Variants in ZNF324 observed in about 807,000 individuals in gnomAD.
ZNF324 encodes zinc finger protein 324A.
Under a neutral mutation model 10.3 loss-of-function variants are expected in ZNF324, and 3 were observed. The ratio of observed to expected loss-of-function variants is 0.29; its 90% CI spans 0.13 to 0.75. ZNF324 has a LOEUF of 0.75. ZNF324 is among the 30% of genes least tolerant of loss of function. The pLI, the probability that ZNF324 is intolerant of heterozygous loss-of-function variation, is 0.69. For synonymous variants in ZNF324, 430 were observed against 339.5 expected (o/e 1.27, Z -2.93); for missense variants, 763 against 784.4 (o/e 0.97, Z 0.33).
rs751425382 is a variant in ZNF324, at chr19:58,470,957, A to G, written c.465A>G (p.Gln155=). 6.2e-6 allele frequency: 10 copies of G among 1,614,182 alleles called. No homozygotes were observed. Among genetic ancestry groups the G allele is most frequent in the Middle Eastern group, 1.6e-4 (1 of 6,062 alleles). The change falls in exon 4 of 4, where the codon CAA becomes CAG. Residue 155 remains glutamine, a synonymous_variant. Coordinates refer to ENST00000196482, the MANE Select transcript of ZNF324 (RefSeq NM_014347.3). ...TCCTGCTAGGCTCAGGCAGTGGGCA[A>G]GCCAGCGTCAGCCTGCGACTGACCT... ...ERLLLGSGSG[Q]ASVSLRLTSP... is the part of the protein sequence containing the mutation.
rs2053008210 is a variant in ZNF324, at chr19:58,469,386, G to A, written c.121+80G>A. 4 of 1,560,022 alleles carry A rather than the reference G, an allele frequency of 2.6e-6. No individual in the cohort carries two copies. The Admixed American group carries it at 7.2e-5, about 28-fold the overall frequency. ...GGGCTGCCCCCTCACCTCCCTGGTG[G>A]CTGACGAGCAGGCCTATACCTTGCA... is the stretch of plus-strand genomic sequence containing the variant. On this transcript the variant is annotated intron_variant, in intron 2 of 3. Transcript: ENST00000196482.
rs376173561 is a variant in ZNF324 at position 58,469,183 on chromosome 19, C to T, written c.-3C>T. The stretch of plus-strand genomic sequence containing the variant: ...CTCTTCCTCCCTGCTCTTTTAGGAC[C>T]AGATGGCCTTTGAGGATGTGGCTGT... On this transcript the variant is annotated 5_prime_UTR_variant, in exon 2 of 4. Coordinates refer to ENST00000196482, the MANE Select transcript of ZNF324 (RefSeq NM_014347.3). 212 of 1,614,070 alleles carry T rather than the reference C, an allele frequency of 1.3e-4. No homozygotes were observed. The highest frequency in any genetic ancestry group is 1.6e-4 in the Non-Finnish European group (192 of 1,180,038).
rs1269576088 is a variant in ZNF324, at chr19:58,474,826, A to C, written c.*2672A>C. On this transcript the variant is annotated 3_prime_UTR_variant, in exon 4 of 4. Coordinates refer to ENST00000196482, the MANE Select transcript of ZNF324 (RefSeq NM_014347.3). The stretch of plus-strand genomic sequence containing the variant: ...TCAGGAGCAATGGCATTCCTAAGCT[A>C]GAAGTGGGTGAGAGCTGTCACTAAG... 6.6e-6 allele frequency: 1 copy of C among 152,492 alleles called. No homozygotes were observed. The highest frequency in any genetic ancestry group is 1.9e-4 in the East Asian group (1 of 5,180). 9.4% of individuals were successfully genotyped at this position (152,492 alleles called of 1,614,324 possible).
In ZNF324 at chr19:58,471,105, A is replaced by C. The variant is rs2053027643; in HGVS notation, c.613A>C (p.Arg205=). 1 of 1,613,732 alleles carries C rather than the reference A, an allele frequency of 6.2e-7. No individual in the cohort carries two copies. The highest frequency in any genetic ancestry group is 8.5e-7 in the Non-Finnish European group (1 of 1,180,036). The change falls in exon 4 of 4, where the codon AGA becomes CGA. Residue 205 remains arginine (R), a synonymous_variant. Coordinates refer to ENST00000196482, the MANE Select transcript of ZNF324 (RefSeq NM_014347.3). ...ACCATGTGCACAGGAGGTCCCTGGG[A>C]GAACCTTTGGGAGCGCCCAGGACCT... is the stretch of plus-strand genomic sequence containing the variant. ...QKPCAQEVPG[R]TFGSAQDLEA... is the part of the protein sequence containing the mutation.
At chr19:58,469,141 C>T (rs531967011) in intron 1 of ZNF324, 39 bp from the exon 2 acceptor site, 1 of 1,613,788 alleles carries the variant, frequency 6.2e-7, no homozygotes, top group Non-Finnish European at 8.5e-7. Flanking sequence ...GATAACCCAG[C>T]CTTAGACCAT....
chr19:58,470,342 G>T (rs969526997), intron 3 of ZNF324, among the ~76,000 whole-genome samples: 41 of 147,516 alleles, frequency 2.8e-4, no homozygotes, highest in African/African-American at 9.9e-4. Flanking sequence ...CTGGATGGAG[G>T]TCATTGCAGG....
intron 2 of ZNF324, 106 bp downstream of exon 2, chr19:58,469,412 G>A (rs1293988165): frequency 2.1e-6 from 3 of 1,457,286 alleles, no homozygotes; most frequent in East Asian, 2.3e-5. Flanking sequence ...ATACCTTGCA[G>A]CCAGGAGCCA....
chr19:58,468,967 C>T (rs1025471103), intron 1 of ZNF324, among the ~76,000 whole-genome samples: 4 of 152,176 alleles, frequency 2.6e-5, no homozygotes, highest in Non-Finnish European at 4.4e-5. Flanking sequence ...CCCAGGATGG[C>T]TTTGAATGCA....
Position 58,472,001 on chromosome 19 carries a change from T to C in ZNF324, c.1509T>C (p.His503=), listed in dbSNP as rs778800335. 2.9e-5 allele frequency: 46 copies of C among 1,608,236 alleles called. No individual in the cohort carries two copies. The highest frequency in any genetic ancestry group is 1.6e-4 in the Middle Eastern group (1 of 6,084). Residue 503 remains histidine, a synonymous_variant, in exon 4 of 4, where the codon CAT becomes CAC. Coordinates refer to ENST00000196482, the MANE Select transcript of ZNF324 (RefSeq NM_014347.3). ...RPALFHHQRI[H]TGEKTVRRSR... ...CCCTCTTCCACCACCAGAGGATCCA[T>C]ACCGGCGAGAAGACCGTCCGGCGAT...
At position 58,471,101 on chromosome 19, in the gene ZNF324, T is replaced by G; in HGVS notation, c.609T>G (p.Pro203=). The change falls in exon 4 of 4, where the codon CCT becomes CCG. Residue 203 remains proline (P), a synonymous_variant. Coordinates refer to ENST00000196482, the MANE Select transcript of ZNF324 (RefSeq NM_014347.3). Reference sequence around the variant, plus strand: ...AGAAACCATGTGCACAGGAGGTCCCTGGGAGAACCTTTGGGAGCGCCCAGG... The same window carrying G: ...AGAAACCATGTGCACAGGAGGTCCCGGGGAGAACCTTTGGGAGCGCCCAGG... ...ERQKPCAQEV[P]GRTFGSAQDL... 1 of 1,613,836 alleles carries G rather than the reference T, an allele frequency of 6.2e-7. No individual in the cohort carries two copies. Among genetic ancestry groups the G allele is most frequent in the East Asian group, 2.2e-5 (1 of 44,876 alleles).
chr19:58,470,039 G>T (rs1320244289), intron 3 of ZNF324, among the ~76,000 whole-genome samples, 195 bp downstream of exon 3: 1 of 151,786 alleles, frequency 6.6e-6, no homozygotes, highest in South Asian at 2.1e-4. Context: ...ACAGGAGCGG[G>T]GTTGACACAG....
In ZNF324 at chr19:58,471,102, G is replaced by A; in HGVS notation, c.610G>A (p.Gly204Arg). Residue 204 changes from glycine (G) to arginine (R), a missense_variant, in exon 4 of 4, where the codon GGG becomes AGG. Around this residue, in one of 3 missense-constraint regions of ZNF324, gnomAD observed 379 missense variants for 319.4 expected, o/e 1.19. Transcript: ENST00000196482. ...RQKPCAQEVPGRTFGSAQDLE... is the reference protein window; with the variant it reads ...RQKPCAQEVPRRTFGSAQDLE... ...GAAACCATGTGCACAGGAGGTCCCT[G>A]GGAGAACCTTTGGGAGCGCCCAGGA... is the stretch of plus-strand genomic sequence containing the variant. 6.2e-7 allele frequency: 1 copy of A among 1,613,844 alleles called. No individual in the cohort carries two copies. Among genetic ancestry groups the A allele is most frequent in the Non-Finnish European group, 8.5e-7 (1 of 1,180,032 alleles).
chr19:58,469,158 C>G (rs1240006423), intron 1 of ZNF324, 22 bp from the exon 2 acceptor site: 2 of 1,614,108 alleles, frequency 1.2e-6, no homozygotes. Flanking sequence ...CCATGGCTGT[C>G]TCTTCCTCCC....
rs2053045035 is a variant in ZNF324 at position 58,472,399 on chromosome 19, A to G, written c.*245A>G. On this transcript the variant is annotated 3_prime_UTR_variant, in exon 4 of 4. Coordinates refer to ENST00000196482, the MANE Select transcript of ZNF324 (RefSeq NM_014347.3). ...GGGGAGGACGTGGTGGCTGAACTCT[A>G]GTGGGGCCGAGACTATTCAGAGCCA... 1.8e-6 allele frequency: 1 copy of G among 543,220 alleles called. No homozygotes were observed. Among genetic ancestry groups the G allele is most frequent in the South Asian group, 2.7e-5 (1 of 36,684 alleles). 33.6% of individuals were successfully genotyped at this position (543,220 alleles called of 1,614,324 possible).
At chr19:58,469,067 T>C in intron 1 of ZNF324, 113 bp from the exon 2 acceptor site, 1 of 1,257,154 alleles carries the variant, frequency 8.0e-7, no homozygotes, top group Non-Finnish European at 1.1e-6. Flanking sequence ...TTAGTGTTAA[T>C]GTATTTTATG....
At chr19:58,469,962 C>G (rs1488934691) in intron 3 of ZNF324, 118 bp downstream of exon 3, 1 of 760,290 alleles carries the variant, frequency 1.3e-6, no homozygotes. Context: ...GATTCCCTTC[C>G]CTTCCATCAT....
At chr19:58,470,543 C>T in intron 3 of ZNF324, 188 bp from the exon 4 acceptor site, 1 of 737,252 alleles carries the variant, frequency 1.4e-6, no homozygotes, top group Middle Eastern at 2.3e-4. Context: ...CCAGTGTAGT[C>T]AGTGCCATAC....
rs1405527326 is a variant in ZNF324 at position 58,471,449 on chromosome 19, C to G, written c.957C>G (p.Gly319=). Residue 319 remains glycine, a synonymous_variant, in exon 4 of 4, where the codon GGC becomes GGG. Transcript: ENST00000196482. ...GETPYACPVC[G]KAFRHSSSLV... is the part of the protein sequence containing the mutation. ...CGCCCTACGCGTGCCCCGTGTGCGG[C>G]AAGGCCTTCCGGCATAGCTCCTCGC... is the stretch of plus-strand genomic sequence containing the variant. The G allele has an allele frequency of 1.2e-6, 2 of 1,603,680 alleles. No individual in the cohort carries two copies. The highest frequency in any genetic ancestry group is 1.1e-5 in the South Asian group (1 of 90,218).
At position 58,471,775 on chromosome 19, in the gene ZNF324, C is replaced by G. The variant is rs1234659292; in HGVS notation, c.1283C>G (p.Pro428Arg). The change falls in exon 4 of 4, where the codon CCA (proline) becomes CGA (arginine). Residue 428 changes from proline (P) to arginine (R), a missense_variant. Around this residue, in one of 3 missense-constraint regions of ZNF324, gnomAD observed 231 missense variants for 196.0 expected, o/e 1.18. Coordinates refer to ENST00000196482, the MANE Select transcript of ZNF324 (RefSeq NM_014347.3). Reference sequence around the variant, plus strand: ...ACAGGCGAGAAGCCCTTCGCCTGCCCACAGTGCGGCCGCGCCTTTAGCCAC... The same window carrying G: ...ACAGGCGAGAAGCCCTTCGCCTGCCGACAGTGCGGCCGCGCCTTTAGCCAC... ...VHTGEKPFAC[P>R]QCGRAFSHSS... is the part of the protein sequence containing the mutation. 5 of 1,612,922 alleles carry G rather than the reference C, an allele frequency of 3.1e-6. No individual in the cohort carries two copies. The highest frequency in any genetic ancestry group is 4.2e-6 in the Non-Finnish European group (5 of 1,179,808).
Sources: allele counts gnomAD v4.1 joint callset (sites outside exome capture counted in the v4.1 genomes callset), GRCh38; gene constraint gnomAD v4.1.1; regional missense constraint gnomAD v4.1.1; transcripts MANE v1.5; gene names NCBI Gene and HGNC (gene_info 2026-07-23, HGNC 2026-07-21).